The following SRSF11 variants were observed in gnomAD, a reference collection of about 807,000 sequenced individuals.
The protein encoded by SRSF11 is serine/arginine-rich splicing factor 11.
A neutral mutation model predicts 56.0 loss-of-function variants in SRSF11; 9 were observed. The ratio of observed to expected loss-of-function variants is 0.16; its 90% CI spans 0.10 to 0.28. SRSF11 has a LOEUF of 0.28. SRSF11 is among the 10% of genes least tolerant of loss of function. The pLI is 1.00. For synonymous variants in SRSF11, 222 were observed against 215.3 expected (o/e 1.03, Z -0.27); for missense variants, 421 against 600.7 (o/e 0.70, Z 3.13).
At chr1:70,235,239 C>T (rs1673699796) in intron 4 of SRSF11, among the ~76,000 whole-genome samples, 1 of 152,082 alleles carries the variant, frequency 6.6e-6, no homozygotes, top group African/African-American at 2.4e-5. Flanking sequence ...TTCTATAATA[C>T]CTAGACTGTT....
intron 7 of SRSF11, among the ~76,000 whole-genome samples, chr1:70,241,448 GTCTTAT>G (rs1675371921): frequency 6.6e-6 from 1 of 152,122 alleles, no homozygotes; most frequent in African/African-American, 2.4e-5. Context: ...TTATCCCACT[GTCTTAT>G]TCTTAGAGTT....
At chr1:70,220,766 C>T (rs1395816637), upstream of SRSF11, 1 of 152,086 alleles carries the variant, frequency 6.6e-6, no homozygotes, top group Non-Finnish European at 1.5e-5. Context: ...AGGAGAATGG[C>T]TTGAACAGGG....
At chr1:70,244,122 G>A (rs1014587277) in intron 7 of SRSF11, among the ~76,000 whole-genome samples, 1 of 152,200 alleles carries the variant, frequency 6.6e-6, no homozygotes, top group Non-Finnish European at 1.5e-5. Context: ...TGGATTAAAG[G>A]AGTGGAATTT....
chr1:70,247,052 TA>T, intron 9 of SRSF11, 145 bp downstream of exon 9: 1 of 1,128,908 alleles, frequency 8.9e-7, no homozygotes, highest in Non-Finnish European at 1.2e-6. Flanking sequence ...TTAAAGTTTT[TA>T]AAAGGCAATT....
chr1:70,230,401 T>G, intron 2 of SRSF11: 1 of 1,133,312 alleles, frequency 8.8e-7, no homozygotes, highest in Non-Finnish European at 1.1e-6. Flanking sequence ...GTAGACATAG[T>G]CTACGGTAAG....
At position 70,235,508 on chromosome 1, in the gene SRSF11, C is replaced by A; in HGVS notation, c.548C>A (p.Ala183Asp). The A allele has an allele frequency of 6.2e-7, 1 of 1,609,306 alleles. No individual in the cohort carries two copies. Among genetic ancestry groups the A allele is most frequent in the Non-Finnish European group, 8.5e-7 (1 of 1,178,524 alleles). Residue 183 changes from alanine (A) to aspartate (D), a missense_variant, in exon 5 of 12, where the codon GCT becomes GAT. Transcript: ENST00000370949. ...TATGTTTTATTTTTACAGTCTCTTGCTGCAGATCAGTTGCTGAAGCTTATG... is the reference window on the plus strand; with the variant it reads ...TATGTTTTATTTTTACAGTCTCTTGATGCAGATCAGTTGCTGAAGCTTATG... Reference protein sequence around the residue: ...PGANLNSQSLAADQLLKLMST... With the variant: ...PGANLNSQSLDADQLLKLMST...
intron 1 of SRSF11, among the ~76,000 whole-genome samples, chr1:70,207,314 A>G (rs1299404948): frequency 6.6e-6 from 1 of 152,128 alleles, no homozygotes; most frequent in African/African-American, 2.4e-5. Flanking sequence ...CTCAGTGCTA[A>G]TAATACCTCT....
intron 2 of SRSF11, chr1:70,229,836 T>C (rs1672522058): frequency 1.0e-6 from 1 of 983,232 alleles, no homozygotes. Flanking sequence ...TATGTAATAG[T>C]ACCTCTGTCT....
In SRSF11 at chr1:70,252,493, TG is replaced by T. The variant is rs1304276401; in HGVS notation, c.*1689del. 6.6e-6 allele frequency: 1 copy of T among 152,154 alleles called. No homozygotes were observed. The highest frequency in any genetic ancestry group is 1.5e-5 in the Non-Finnish European group (1 of 67,992). The allele number at this position is 152,154 out of a possible 1,614,324, so 9.4% of individuals were successfully genotyped here. Reference sequence around the variant, plus strand: ...TTTGAGTATAAATAGGGTTTTGTTTTGTTTTTTTTAACCTAAAAACTGAAAT... The same window carrying T: ...TTTGAGTATAAATAGGGTTTTGTTTTTTTTTTTTAACCTAAAAACTGAAAT... On this transcript the variant is annotated 3_prime_UTR_variant, in exon 12 of 12. Transcript: ENST00000370949.
intron 1 of SRSF11, among the ~76,000 whole-genome samples, chr1:70,223,295 T>C (rs1033460985): frequency 6.6e-6 from 1 of 152,236 alleles, no homozygotes; most frequent in South Asian, 2.1e-4. Flanking sequence ...TTATGGTTGC[T>C]GACTTTTAAA....
chr1:70,246,902 A>T lies in SRSF11; in HGVS notation c.1017A>T (p.Ala339=), dbSNP rs758940325. ...SYSTARRSRS[A]SRERRRRRSR... ...GCACAGCCAGACGTTCTAGAAGTGC[A>T]AGCAGGTAAGGTGGCATTGTGAATT... is the stretch of plus-strand genomic sequence containing the variant. The change falls in exon 9 of 12, where the codon GCA becomes GCT. Residue 339 remains alanine, a synonymous_variant. Transcript: ENST00000370949. 6.9e-6 allele frequency: 11 copies of T among 1,604,188 alleles called. No homozygotes were observed. In the South Asian group the frequency reaches 1.1e-4, roughly 16 times the overall value.
At chr1:70,235,808 G>T (rs1308414054) in intron 5 of SRSF11, among the ~76,000 whole-genome samples, 1 of 152,218 alleles carries the variant, frequency 6.6e-6, no homozygotes, top group Non-Finnish European at 1.5e-5. Flanking sequence ...GCTAATAAGG[G>T]ACAACTTCGT....
chr1:70,214,061 A>G (rs1005588705), intron 1 of SRSF11, among the ~76,000 whole-genome samples: 1 of 151,986 alleles, frequency 6.6e-6, no homozygotes, highest in Admixed American at 6.6e-5. Flanking sequence ...TGCATGGGGG[A>G]AAAAAACATA....
chr1:70,216,361 G>A (rs991811618), intron 1 of SRSF11, among the ~76,000 whole-genome samples: 1 of 150,192 alleles, frequency 6.7e-6, no homozygotes, highest in African/African-American at 2.5e-5. Context: ...TATTTCTTGT[G>A]TTTCAAAAGC....
chr1:70,222,709 A>T (rs943847266), intron 1 of SRSF11: 5 of 152,238 alleles, frequency 3.3e-5, no homozygotes, highest in Admixed American at 1.3e-4. Flanking sequence ...TTCAAATGTC[A>T]TTATCAGTAA....
chr1:70,234,385 TTTC>T (rs1192750944), intron 3 of SRSF11, among the ~76,000 whole-genome samples: 1 of 152,230 alleles, frequency 6.6e-6, no homozygotes, highest in Admixed American at 6.5e-5. Context: ...TTTGTCTTTT[TTTC>T]TTAATCTAGG....
At chr1:70,229,493 AG>A (rs1048388558) in intron 2 of SRSF11, 13 of 984,948 alleles carry the variant, frequency 1.3e-5, no homozygotes, top group Admixed American at 1.2e-4. Flanking sequence ...TTTTATAATT[AG>A]TTTGTTCCCA....
chr1:70,235,407 T>G (rs576878271), intron 4 of SRSF11, 94 bp from the exon 5 acceptor site: 1 of 1,027,734 alleles, frequency 9.7e-7, no homozygotes, highest in East Asian at 2.4e-5. Context: ...GCATGTAGTC[T>G]GCATGGATTT....
intron 3 of SRSF11, 55 bp from the exon 4 acceptor site, chr1:70,234,641 C>T (rs1673555120): frequency 2.8e-6 from 4 of 1,419,868 alleles, no homozygotes; most frequent in Non-Finnish European, 3.8e-6. Flanking sequence ...GTATTAACCC[C>T]TGGTATAAGG....
Sources: allele counts gnomAD v4.1 joint callset (sites outside exome capture counted in the v4.1 genomes callset), GRCh38; gene constraint gnomAD v4.1.1; transcripts MANE v1.5; gene names NCBI Gene and HGNC (gene_info 2026-07-23, HGNC 2026-07-21).